Variants in TMPRSS15 observed in about 807,000 individuals in gnomAD.
The protein encoded by TMPRSS15 is transmembrane serine protease 15, also known as enteropeptidase.
In TMPRSS15, 128 loss-of-function variants were observed where a neutral mutation model predicts 125.3. The observed-to-expected ratio is 1.02, with a 90% CI of 0.89 to 1.18. The LOEUF is 1.18. Ranked by LOEUF, TMPRSS15 falls within the 50% of genes most tolerant of loss-of-function variation. TMPRSS15 has a pLI of 0.00. For synonymous variants in TMPRSS15, 446 were observed against 423.2 expected (o/e 1.05, Z -0.66); for missense variants, 1,283 against 1,212.7 (o/e 1.06, Z -0.86).
At chr21:18,483,228 G>A (rs1198894357) in intron 1 of TMPRSS15, among the ~76,000 whole-genome samples, 3 of 151,644 alleles carry the variant, frequency 2.0e-5, no homozygotes, top group South Asian at 2.1e-4. Flanking sequence ...TGATCAAAGC[G>A]CACTGAGTTC....
intron 1 of TMPRSS15, among the ~76,000 whole-genome samples, chr21:18,423,477 C>T (rs1331621691): frequency 6.7e-6 from 1 of 149,860 alleles, no homozygotes; most frequent in Non-Finnish European, 1.5e-5. Flanking sequence ...GGCGCGATCT[C>T]GGCTCACTGC....
intron 23 of TMPRSS15, among the ~76,000 whole-genome samples, chr21:18,276,755 CTTTTTTT>C (rs372920414): frequency 1.7e-4 from 21 of 121,336 alleles, no homozygotes; most frequent in African/African-American, 2.3e-4. Context: ...AACTGGGATT[CTTTTTTT>C]TTTTTTTTTT....
At position 18,326,469 on chromosome 21, in the gene TMPRSS15, T is replaced by C; in HGVS notation, c.1884A>G (p.Lys628=). The change falls in exon 16 of 25, where the codon AAA becomes AAG. Residue 628 remains lysine, a synonymous_variant. Coordinates refer to ENST00000284885, the MANE Select transcript of TMPRSS15 (RefSeq NM_002772.3). ...TNDVLARGGF[K]ANFTTGYHLG... ...AGTGATAGCCAGTAGTAAAGTTTGC[T>C]TTAAACCCTCCTCTTGCCAACACAT... 6.2e-7 allele frequency: 1 copy of C among 1,614,212 alleles called. No homozygotes were observed. Among genetic ancestry groups the C allele is most frequent in the Non-Finnish European group, 8.5e-7 (1 of 1,180,012 alleles).
intron 18 of TMPRSS15, among the ~76,000 whole-genome samples, chr21:18,307,386 G>A (rs1378866893): frequency 6.6e-6 from 1 of 152,186 alleles, no homozygotes; most frequent in Admixed American, 6.5e-5. Context: ...AATGGGATCA[G>A]TGAACTAGAG....
chr21:18,381,816 G>T (rs1226234092), intron 4 of TMPRSS15, among the ~76,000 whole-genome samples: 1 of 151,958 alleles, frequency 6.6e-6, no homozygotes, highest in Non-Finnish European at 1.5e-5. Context: ...GACAACTTTG[G>T]GGCCTGTTGG....
intron 1 of TMPRSS15, among the ~76,000 whole-genome samples, chr21:18,464,604 A>T (rs141512190): frequency 1.3e-5 from 2 of 152,310 alleles, no homozygotes; most frequent in African/African-American, 4.8e-5. Context: ...TAGAAATACA[A>T]ACTACCATCA....
intron 24 of TMPRSS15, among the ~76,000 whole-genome samples, chr21:18,270,500 A>G (rs190313310): frequency 2.0e-5 from 3 of 152,336 alleles, no homozygotes; most frequent in Admixed American, 2.0e-4. Flanking sequence ...TGTAAGTGCC[A>G]CAAAGGACAC....
chr21:18,413,303 TTTCTTTCTTTTCCTTCCTTCCTTCCTTCC>T (rs1170748298), intron 1 of TMPRSS15, among the ~76,000 whole-genome samples: 1 of 115,570 alleles, frequency 8.7e-6, no homozygotes, highest in African/African-American at 3.3e-5. Context: ...TTTTCTTTCT[TTTCTTTCTTTTCCTTCCTTCCTTCCTTCC>T]TTCCTTCCTT....
At chr21:18,331,290 C>T (rs927140376) in intron 14 of TMPRSS15, among the ~76,000 whole-genome samples, 1 of 152,138 alleles carries the variant, frequency 6.6e-6, no homozygotes, top group Non-Finnish European at 1.5e-5. Context: ...TTTCCCACCA[C>T]TGAGGCATTT....
chr21:18,433,820 G>T (rs1270328588), intron 1 of TMPRSS15, among the ~76,000 whole-genome samples: 4 of 151,978 alleles, frequency 2.6e-5, no homozygotes. Context: ...TGAGTAGTTT[G>T]TTTTGGAGTT....
intron 1 of TMPRSS15, among the ~76,000 whole-genome samples, chr21:18,454,077 T>C (rs914700901): frequency 6.6e-6 from 1 of 152,154 alleles, no homozygotes; most frequent in Non-Finnish European, 1.5e-5. Flanking sequence ...GGAAATTAAA[T>C]ACTAGAAAAT....
At chr21:18,281,442 G>A (rs1390669293) in intron 21 of TMPRSS15, among the ~76,000 whole-genome samples, 1 of 152,064 alleles carries the variant, frequency 6.6e-6, no homozygotes, top group Non-Finnish European at 1.5e-5. Flanking sequence ...CTCCTCTTAA[G>A]TTATATGCTG....
At position 18,326,547 on chromosome 21, in the gene TMPRSS15, T is replaced by C. The variant is rs750681969; in HGVS notation, c.1806A>G (p.Val602=). The part of the protein sequence containing the change: ...LLAVYTGPGP[V]KDVFSTTNRM... ...TGTTGGTGGTAGAGAACACATCCTT[T>C]ACTGGGCCAGGCCCTGTGTACACAG... is the stretch of plus-strand genomic sequence containing the variant. The change falls in exon 16 of 25, where the codon GTA becomes GTG. Residue 602 remains valine (V), a synonymous_variant. Coordinates refer to ENST00000284885, the MANE Select transcript of TMPRSS15 (RefSeq NM_002772.3). 6.2e-7 allele frequency: 1 copy of C among 1,614,128 alleles called. No homozygotes were observed. Among genetic ancestry groups the C allele is most frequent in the South Asian group, 1.1e-5 (1 of 91,082 alleles).
intron 8 of TMPRSS15, among the ~76,000 whole-genome samples, chr21:18,355,118 C>G (rs190936496): frequency 1.3e-5 from 2 of 152,006 alleles, no homozygotes; most frequent in Admixed American, 1.3e-4. Context: ...GCTACGGCAG[C>G]ATGCATACCT....
chr21:18,458,280 A>C (rs1427962730), intron 1 of TMPRSS15, among the ~76,000 whole-genome samples: 1 of 152,166 alleles, frequency 6.6e-6, no homozygotes, highest in Admixed American at 6.6e-5. Context: ...TAAGTCACAA[A>C]GTGGTATATT....
At chr21:18,400,096 T>C (rs968423651) in intron 1 of TMPRSS15, among the ~76,000 whole-genome samples, 3 of 152,006 alleles carry the variant, frequency 2.0e-5, no homozygotes, top group Admixed American at 6.5e-5. Flanking sequence ...CAAATGGAAA[T>C]AATTCCATGC....
intron 6 of TMPRSS15, among the ~76,000 whole-genome samples, chr21:18,366,699 A>C (rs1474011261): frequency 6.6e-6 from 1 of 152,136 alleles, no homozygotes; most frequent in East Asian, 1.9e-4. Flanking sequence ...AATATTCTAA[A>C]ATTATGACCC....
At position 18,294,639 on chromosome 21, in the gene TMPRSS15, G is replaced by A. The variant is rs780239894; in HGVS notation, c.2275C>T (p.Gln759Ter). Residue 759 changes from glutamine to a stop codon, truncating the protein, a stop_gained, in exon 20 of 25, where the codon CAG (glutamine) becomes TAG (stop). Coordinates refer to ENST00000284885, the MANE Select transcript of TMPRSS15 (RefSeq NM_002772.3). LOFTEE classifies it high-confidence loss of function. ...CACTGTAACCGAATCAAGGAATCCT[G>A]TAAACACTGTTGACTGTAATAGAAG... is the stretch of plus-strand genomic sequence containing the variant. ...LILTPSQQCL[Q>*]DSLIRLQCNH... is the part of the protein sequence containing the mutation. 1.2e-6 allele frequency: 2 copies of A among 1,610,764 alleles called. No individual in the cohort carries two copies. The highest frequency in any genetic ancestry group is 1.7e-6 in the Non-Finnish European group (2 of 1,176,990).
At chr21:18,299,554 A>T (rs550009736) in intron 18 of TMPRSS15, among the ~76,000 whole-genome samples, 1 of 152,178 alleles carries the variant, frequency 6.6e-6, no homozygotes, top group Admixed American at 6.5e-5. Flanking sequence ...CGTGAACATC[A>T]CTGCTGCCAG....
Sources: allele counts gnomAD v4.1 joint callset (sites outside exome capture counted in the v4.1 genomes callset), GRCh38; gene constraint gnomAD v4.1.1; transcripts MANE v1.5; gene names NCBI Gene and HGNC (gene_info 2026-07-23, HGNC 2026-07-21).